The following LMBR1 variants were observed in gnomAD, a reference collection of about 807,000 sequenced individuals.
The protein encoded by LMBR1 is limb development membrane protein 1, also known as limb region 1 protein homolog.
In LMBR1, 52 loss-of-function variants were observed where a neutral mutation model predicts 73.9. The observed-to-expected ratio is 0.70, with a 90% CI of 0.56 to 0.89. LMBR1 has a LOEUF of 0.89. LMBR1 is among the 40% of genes least tolerant of loss of function. The pLI, the probability that LMBR1 is intolerant of heterozygous loss-of-function variation, is 0.00. For synonymous variants in LMBR1, 215 were observed against 209.4 expected, an observed-to-expected ratio of 1.03 and a Z score of -0.23; for missense variants, 539 against 579.8, an observed-to-expected ratio of 0.93 and a Z score of 0.72.
chr7:156,811,662 G>A (rs2133614156), intron 4 of LMBR1, among the ~76,000 whole-genome samples: 1 of 152,240 alleles, frequency 6.6e-6, no homozygotes, highest in African/African-American at 2.4e-5. Context: ...TGACATCTCA[G>A]TTGCAGACTC....
intron 4 of LMBR1, among the ~76,000 whole-genome samples, chr7:156,806,316 T>C (rs1406174143): frequency 1.3e-5 from 2 of 152,240 alleles, no homozygotes; most frequent in Non-Finnish European, 2.9e-5. Flanking sequence ...TTGTTGTATA[T>C]TGATCTTCTA....
intron 4 of LMBR1, among the ~76,000 whole-genome samples, chr7:156,821,924 G>A (rs1204343223): frequency 6.6e-6 from 1 of 152,164 alleles, no homozygotes; most frequent in Non-Finnish European, 1.5e-5. Context: ...TGCTAACTGT[G>A]ACTTTTGTTT....
chr7:156,891,218 ATATATAT>A (rs1802892380), intron 1 of LMBR1, among the ~76,000 whole-genome samples: 2 of 60,988 alleles, frequency 3.3e-5, no homozygotes, highest in East Asian at 4.6e-4. Context: ...AAAAATATAT[ATATATAT>A]ATATATATAC....
intron 15 of LMBR1, among the ~76,000 whole-genome samples, chr7:156,697,272 T>C (rs1000187685): frequency 6.6e-6 from 1 of 152,188 alleles, no homozygotes; most frequent in South Asian, 2.1e-4. Context: ...AAAGATCACA[T>C]GCTTCTGAGG....
chr7:156,845,138 T>C (rs973783156), intron 1 of LMBR1, among the ~76,000 whole-genome samples: 1 of 152,200 alleles, frequency 6.6e-6, no homozygotes, highest in African/African-American at 2.4e-5. Flanking sequence ...ATTGCCCTGA[T>C]TATTTGAATG....
intron 5 of LMBR1, among the ~76,000 whole-genome samples, chr7:156,783,507 C>A (rs1225287515): frequency 6.6e-6 from 1 of 152,074 alleles, no homozygotes; most frequent in South Asian, 2.1e-4. Context: ...TTTTTGTTTC[C>A]ATTATTGTTT....
chr7:156,779,279 C>T (rs1020983118), intron 5 of LMBR1, among the ~76,000 whole-genome samples: 2 of 152,124 alleles, frequency 1.3e-5, no homozygotes, highest in African/African-American at 4.8e-5. Flanking sequence ...ATTACTTTAG[C>T]GAAACTCCTT....
At chr7:156,768,035 T>C (rs1046158982) in intron 5 of LMBR1, among the ~76,000 whole-genome samples, 1 of 152,232 alleles carries the variant, frequency 6.6e-6, no homozygotes, top group Admixed American at 6.5e-5. Context: ...TTTCTTTAGA[T>C]TAACTGGTGA....
chr7:156,835,774 ACT>A (rs1837537691), intron 2 of LMBR1, among the ~76,000 whole-genome samples: 1 of 151,710 alleles, frequency 6.6e-6, no homozygotes, highest in African/African-American at 2.4e-5. Context: ...TTCCCAGCAC[ACT>A]ACCAACTAGG....
At chr7:156,883,211 G>A (rs991244222) in intron 1 of LMBR1, among the ~76,000 whole-genome samples, 1 of 152,036 alleles carries the variant, frequency 6.6e-6, no homozygotes, top group African/African-American at 2.4e-5. Flanking sequence ...GACCACCCTG[G>A]CCAACAGGTG....
At chr7:156,673,586 C>T (rs182667115), downstream of LMBR1, among the ~76,000 whole-genome samples, 8 of 152,262 alleles carry the variant, frequency 5.3e-5, no homozygotes, top group East Asian at 1.9e-4. Context: ...CTTCCAAGTA[C>T]GGCTAATCCC....
chr7:156,794,638 G>A (rs143457976), intron 5 of LMBR1, among the ~76,000 whole-genome samples: 17 of 152,214 alleles, frequency 1.1e-4, no homozygotes, highest in African/African-American at 3.9e-4. Context: ...TATAAATTAG[G>A]TAGATACTGT....
At chr7:156,887,241 G>C (rs1345027426) in intron 1 of LMBR1, among the ~76,000 whole-genome samples, 1 of 152,168 alleles carries the variant, frequency 6.6e-6, no homozygotes, top group Non-Finnish European at 1.5e-5. Context: ...CGAGGCGGCA[G>C]ATCACGAGGT....
chr7:156,691,844 C>T (rs916389447), intron 15 of LMBR1, among the ~76,000 whole-genome samples: 23 of 152,104 alleles, frequency 1.5e-4, no homozygotes, highest in Admixed American at 1.4e-3. Flanking sequence ...ACTATGTTTT[C>T]AAATCTCTTC....
At chr7:156,728,604 T>C (rs999105959) in intron 11 of LMBR1, 40 bp downstream of exon 11, 2 of 1,406,660 alleles carry the variant, frequency 1.4e-6, no homozygotes, top group Middle Eastern at 2.0e-4. Context: ...GTAAATAAAA[T>C]ATAATTTGCT....
At chr7:156,809,035 C>A (rs1034327919) in intron 4 of LMBR1, among the ~76,000 whole-genome samples, 1 of 152,186 alleles carries the variant, frequency 6.6e-6, no homozygotes, top group African/African-American at 2.4e-5. Context: ...AGCCAATTAT[C>A]TTTTCTAAAC....
intron 1 of LMBR1, among the ~76,000 whole-genome samples, chr7:156,880,715 C>G (rs1800954202): frequency 6.6e-6 from 1 of 152,096 alleles, no homozygotes; most frequent in African/African-American, 2.4e-5. Context: ...TGCAGTGACA[C>G]AATCTCAGCT....
At chr7:156,676,313 T>G, downstream of LMBR1, 1 of 1,611,268 alleles carries the variant, frequency 6.2e-7, no homozygotes, top group Non-Finnish European at 8.5e-7. Context: ...TTCCGCATGT[T>G]TCGAAGACCC....
intron 8 of LMBR1, among the ~76,000 whole-genome samples, chr7:156,759,059 T>C (rs1377302500): frequency 6.6e-6 from 1 of 152,214 alleles, no homozygotes; most frequent in African/African-American, 2.4e-5. Context: ...ACAGCTGATA[T>C]TCTAGTGTAG....
Sources: allele counts gnomAD v4.1 joint callset (sites outside exome capture counted in the v4.1 genomes callset), GRCh38; gene constraint gnomAD v4.1.1; transcripts MANE v1.5; gene names NCBI Gene and HGNC (gene_info 2026-07-23, HGNC 2026-07-21).